The following MAP4K3 variants were observed in gnomAD, a reference collection of about 807,000 sequenced individuals.
The protein encoded by MAP4K3 is MAPK/ERK kinase kinase kinase 3.
In MAP4K3, 94 loss-of-function variants were observed where a neutral mutation model predicts 143.5. The observed-to-expected ratio is 0.65, with a 90% CI of 0.55 to 0.78. The LOEUF (loss-of-function observed/expected upper bound fraction) is 0.78. Ranked by LOEUF, MAP4K3 falls within the 30% of genes least tolerant of loss-of-function variation. The pLI is 0.00. For missense variants in MAP4K3, 1,077 were observed against 1,068.1 expected (o/e 1.01, Z -0.12); for synonymous variants, 416 against 347.2 (o/e 1.20, Z -2.20).
At chr2:39,427,600 G>A (rs1474663518) in intron 1 of MAP4K3, among the ~76,000 whole-genome samples, 1 of 152,146 alleles carries the variant, frequency 6.6e-6, no homozygotes, top group Non-Finnish European at 1.5e-5. Flanking sequence ...AGAGAACAGA[G>A]AAAGATCAGT....
At chr2:39,393,542 A>G (rs1225931900) in intron 1 of MAP4K3, among the ~76,000 whole-genome samples, 2 of 152,220 alleles carry the variant, frequency 1.3e-5, no homozygotes, top group African/African-American at 4.8e-5. Flanking sequence ...ATTTTTTAAA[A>G]TATTTTTTGC....
chr2:39,279,539 G>C (rs1261633722), intron 23 of MAP4K3, among the ~76,000 whole-genome samples: 1 of 152,158 alleles, frequency 6.6e-6, no homozygotes, highest in Non-Finnish European at 1.5e-5. Flanking sequence ...ACAGTTCTTA[G>C]TGGTTGCCTA....
rs969753851 is a variant in MAP4K3 at position 39,332,829 on chromosome 2, T to C, written c.457+703A>G. The stretch of plus-strand genomic sequence containing the variant: ...TAAATCTGATTAATCTCACAGGTTA[T>C]AGTTCAAAATAGTTATATCTATATT... On this transcript the variant is annotated intron_variant, in intron 7 of 33. Coordinates refer to ENST00000263881, the MANE Select transcript of MAP4K3 (RefSeq NM_003618.4). Among the ~76,000 whole-genome samples, 8 of 152,086 alleles carry C rather than the reference T, an allele frequency of 5.3e-5. 1 individual carries two copies. Among genetic ancestry groups the C allele is most frequent in the East Asian group, 3.8e-4 (2 of 5,206 alleles).
At chr2:39,322,918 C>T (rs558927621) in intron 12 of MAP4K3, among the ~76,000 whole-genome samples, 23 of 152,208 alleles carry the variant, frequency 1.5e-4, no homozygotes, top group African/African-American at 2.9e-4. Context: ...GATCCACCTG[C>T]CTCGGTCTTC....
intron 13 of MAP4K3, among the ~76,000 whole-genome samples, chr2:39,314,651 T>C (rs974659400): frequency 1.3e-5 from 2 of 152,146 alleles, no homozygotes; most frequent in Non-Finnish European, 2.9e-5. Context: ...TAAGGCACTA[T>C]TGTTCGAGGG....
intron 16 of MAP4K3, chr2:39,294,278 T>C (rs1682178843): frequency 6.6e-6 from 1 of 152,228 alleles, no homozygotes; most frequent in Non-Finnish European, 1.5e-5. Flanking sequence ...TTATCTACTG[T>C]AAGCAATTAA....
intron 29 of MAP4K3, among the ~76,000 whole-genome samples, chr2:39,259,529 C>T (rs1227388985): frequency 6.6e-5 from 10 of 152,084 alleles, no homozygotes; most frequent in Admixed American, 3.3e-4. Flanking sequence ...AGGTATACAC[C>T]ACTTAAAAAT....
At chr2:39,258,227 C>A in intron 31 of MAP4K3, 121 bp downstream of exon 31, 1 of 764,424 alleles carries the variant, frequency 1.3e-6, no homozygotes, top group Non-Finnish European at 2.1e-6. Context: ...CCACCATGCC[C>A]AGCCATATCC....
intron 1 of MAP4K3, among the ~76,000 whole-genome samples, chr2:39,379,565 T>C (rs1177110246): frequency 6.6e-6 from 1 of 152,096 alleles, no homozygotes; most frequent in African/African-American, 2.4e-5. Flanking sequence ...GAGCATTCTG[T>C]AAAGGAGGCA....
At chr2:39,291,219 A>G (rs996387084) in intron 18 of MAP4K3, among the ~76,000 whole-genome samples, 1 of 152,258 alleles carries the variant, frequency 6.6e-6, no homozygotes, top group Non-Finnish European at 1.5e-5. Context: ...ATATGTATCA[A>G]AACGTTACTA....
chr2:39,419,632 C>T (rs1314096672), intron 1 of MAP4K3, among the ~76,000 whole-genome samples: 1 of 152,138 alleles, frequency 6.6e-6, no homozygotes, highest in Non-Finnish European at 1.5e-5. Flanking sequence ...AAAATCTCAA[C>T]ATTCCAAATA....
At chr2:39,281,675 A>G (rs1157567303) in intron 22 of MAP4K3, among the ~76,000 whole-genome samples, 1 of 152,056 alleles carries the variant, frequency 6.6e-6, no homozygotes, top group African/African-American at 2.4e-5. Context: ...GCCTGAGGTA[A>G]GTGTTTTATC....
intron 3 of MAP4K3, among the ~76,000 whole-genome samples, chr2:39,349,510 C>T (rs967887431): frequency 6.6e-6 from 1 of 152,068 alleles, no homozygotes; most frequent in East Asian, 1.9e-4. Flanking sequence ...AAGAAACCAC[C>T]GTATAGTTAA....
intron 1 of MAP4K3, among the ~76,000 whole-genome samples, chr2:39,390,286 T>TA (rs1666616682): frequency 6.6e-6 from 1 of 152,176 alleles, no homozygotes; most frequent in South Asian, 2.1e-4. Flanking sequence ...AAAATGCCAG[T>TA]AGCACCTACA....
At chr2:39,402,177 A>G (rs1184466942) in intron 1 of MAP4K3, among the ~76,000 whole-genome samples, 1 of 152,206 alleles carries the variant, frequency 6.6e-6, no homozygotes, top group African/African-American at 2.4e-5. Context: ...AATGGATAGA[A>G]TAAGAGCAGA....
At chr2:39,428,658 A>T (rs1572517811) in intron 1 of MAP4K3, among the ~76,000 whole-genome samples, 1 of 151,992 alleles carries the variant, frequency 6.6e-6, no homozygotes. Flanking sequence ...CCTGGGCAAC[A>T]AGAGAAAGAG....
chr2:39,411,786 G>C (rs182835451), intron 1 of MAP4K3, among the ~76,000 whole-genome samples: 119 of 152,312 alleles, frequency 7.8e-4, no homozygotes, highest in African/African-American at 2.6e-3. Flanking sequence ...TCTGCAGAGA[G>C]GGAAAGTGAC....
At chr2:39,415,453 T>A (rs890271268) in intron 1 of MAP4K3, among the ~76,000 whole-genome samples, 1 of 152,044 alleles carries the variant, frequency 6.6e-6, no homozygotes, top group African/African-American at 2.4e-5. Context: ...GCCCTTAAAT[T>A]TGAGTGGGAA....
At chr2:39,305,468 C>T (rs1018489031) in intron 15 of MAP4K3, among the ~76,000 whole-genome samples, 1 of 152,130 alleles carries the variant, frequency 6.6e-6, no homozygotes, top group Non-Finnish European at 1.5e-5. Flanking sequence ...ATTTGTAAAA[C>T]AAGAATAATA....
Sources: allele counts gnomAD v4.1 joint callset (sites outside exome capture counted in the v4.1 genomes callset), GRCh38; gene constraint gnomAD v4.1.1; transcripts MANE v1.5; gene names NCBI Gene and HGNC (gene_info 2026-07-23, HGNC 2026-07-21).